The following BAG4 variants were observed in gnomAD, a reference collection of about 807,000 sequenced individuals.
BAG4 encodes the protein BAG family molecular chaperone regulator 4.
BAG4 carries 28 observed loss-of-function variants against 52.1 expected under a neutral mutation model. The observed-to-expected ratio is 0.54, with a 90% CI of 0.40 to 0.74. The LOEUF (loss-of-function observed/expected upper bound fraction) is 0.74, where lower values mean the gene tolerates loss of function less well. Among genes scored for constraint, BAG4 ranks in the 30% least tolerant of loss-of-function variants. The pLI, the probability that BAG4 is intolerant of heterozygous loss-of-function variation, is 0.00. For missense variants in BAG4, 525 were observed against 572.0 expected, an observed-to-expected ratio of 0.92 and a Z score of 0.84; for synonymous variants, 208 against 217.0, an observed-to-expected ratio of 0.96 and a Z score of 0.37.
Position 38,210,238 on chromosome 8 carries a change from T to A in BAG4, c.1119T>A (p.Asp373Glu), listed in dbSNP as rs1803844019. Residue 373 changes from aspartate to glutamate, a missense_variant, in exon 5 of 5, where the codon GAT becomes GAA. Asp to Glu is a conservative substitution (Grantham distance 45, BLOSUM62 2). This residue lies in a region of BAG4 where 238 missense variants were observed against 305.8 expected (regional missense o/e 0.78). Transcript: ENST00000287322. ...TTCCTGAAGAATGTGTACCTTCAGA[T>A]GAAAGTACTCCTCCGAGTATTAAAA... ...SSLPEECVPS[D>E]ESTPPSIKKI... 1 of 1,614,120 alleles carries A rather than the reference T, an allele frequency of 6.2e-7. No homozygotes were observed. The highest frequency in any genetic ancestry group is 8.5e-7 in the Non-Finnish European group (1 of 1,180,034).
chr8:38,208,264 C>A (rs1264013984), intron 3 of BAG4, among the ~76,000 whole-genome samples: 2 of 148,940 alleles, frequency 1.3e-5, no homozygotes, highest in Non-Finnish European at 3.0e-5. Flanking sequence ...CATGAGCCAC[C>A]GTGCCAGGCA....
At chr8:38,194,580 T>A (rs1803530878) in intron 2 of BAG4, among the ~76,000 whole-genome samples, 2 of 151,020 alleles carry the variant, frequency 1.3e-5, no homozygotes, top group South Asian at 4.2e-4. Flanking sequence ...CATGCCCGGC[T>A]AATTTTTGTA....
chr8:38,205,517 A>G (rs1027899827), intron 2 of BAG4, among the ~76,000 whole-genome samples: 1 of 152,156 alleles, frequency 6.6e-6, no homozygotes, highest in Non-Finnish European at 1.5e-5. Context: ...CTCTAGTTGA[A>G]TCATTTCCTT....
At chr8:38,188,005 C>G in intron 1 of BAG4, among the ~76,000 whole-genome samples, 1 of 141,014 alleles carries the variant, frequency 7.1e-6, no homozygotes. Context: ...CCACTGCACT[C>G]CAGCCTGGGT....
chr8:38,177,381 G>A (rs757273786), intron 1 of BAG4, among the ~76,000 whole-genome samples: 4 of 152,174 alleles, frequency 2.6e-5, no homozygotes, highest in African/African-American at 9.7e-5. Flanking sequence ...GATCCTGCGC[G>A]GACTTACTAA....
rs557036661 is a variant in BAG4 at position 38,202,619 on chromosome 8, C to T, written c.379-4893C>T. Among the ~76,000 whole-genome samples the T allele has an allele frequency of 2.0e-5, 3 of 150,856 alleles. No individual in the cohort carries two copies. In the East Asian group the frequency reaches 5.9e-4, roughly 30 times the overall value. The stretch of plus-strand genomic sequence containing the variant: ...GCAATGGCATGATCACAGCTCACTG[C>T]AGCCTCAATCTCCTCTGGCTCAGGT... On this transcript the variant is annotated intron_variant, in intron 2 of 4. Transcript: ENST00000287322.
At chr8:38,203,600 A>G (rs1025994020) in intron 2 of BAG4, among the ~76,000 whole-genome samples, 4 of 152,004 alleles carry the variant, frequency 2.6e-5, no homozygotes, top group African/African-American at 9.7e-5. Context: ...TTTTTGTGAT[A>G]AGTCCTGTTA....
At chr8:38,194,419 T>TC (rs1166010929) in intron 2 of BAG4, among the ~76,000 whole-genome samples, 1 of 142,506 alleles carries the variant, frequency 7.0e-6, no homozygotes, top group East Asian at 2.0e-4. Context: ...CTTTTTTTTT[T>TC]TTTTTTTTTT....
At position 38,209,210 on chromosome 8, in the gene BAG4, A is replaced by G; in HGVS notation, c.831A>G (p.Pro277=). 1.9e-6 allele frequency: 3 copies of G among 1,614,128 alleles called. No individual in the cohort carries two copies. Among genetic ancestry groups the G allele is most frequent in the East Asian group, 2.2e-5 (1 of 44,878 alleles). ...GNLYMTESTS[P]WPSSGSPQSP... ...TCTACATGACTGAAAGTACTTCACC[A>G]TGGCCTAGCAGTGGCTCTCCCCAGT... is the stretch of plus-strand genomic sequence containing the variant. The change falls in exon 4 of 5, where the codon CCA becomes CCG. Residue 277 remains proline (P), a synonymous_variant. Transcript: ENST00000287322.
At position 38,192,732 on chromosome 8, in the gene BAG4, T is replaced by C. The variant is rs1020308491; in HGVS notation, c.315T>C (p.Ser105=). 6.2e-7 allele frequency: 1 copy of C among 1,613,622 alleles called. No individual in the cohort carries two copies. The highest frequency in any genetic ancestry group is 2.2e-5 in the East Asian group (1 of 44,854). ...YPSYNSNYWN[S]TARSRAPYPS... is the part of the protein sequence containing the mutation. ...GCTACAATTCTAACTATTGGAATTC[T>C]ACTGCGAGATCTAGGGCTCCTTACC... Residue 105 remains serine (S), a synonymous_variant, in exon 2 of 5, where the codon TCT becomes TCC. Transcript: ENST00000287322.
intron 2 of BAG4, among the ~76,000 whole-genome samples, chr8:38,201,009 G>C: frequency 6.6e-6 from 1 of 152,304 alleles, no homozygotes; most frequent in South Asian, 2.1e-4. Flanking sequence ...TGAATTATAA[G>C]TTAATGTTAA....
rs539251999 is a variant in BAG4, at chr8:38,188,827, T to C, written c.271-3861T>C. Among the ~76,000 whole-genome samples the C allele has an allele frequency of 8.5e-5, 13 of 152,166 alleles. 1 individual carries two copies. In the South Asian group the frequency reaches 2.7e-3, roughly 31 times the overall value. ...GTTTATCTTTGAGATGGAGCCTTGC[T>C]CTGTCACCCAGGCTGGAGTGCAGTG... On this transcript the variant is annotated intron_variant, in intron 1 of 4. Coordinates refer to ENST00000287322, the MANE Select transcript of BAG4 (RefSeq NM_004874.4).
At chr8:38,209,338 C>T in intron 4 of BAG4, 71 bp downstream of exon 4, 1 of 1,589,038 alleles carries the variant, frequency 6.3e-7, no homozygotes, top group Non-Finnish European at 8.6e-7. Context: ...TATATAGTTT[C>T]TGTACTGGTT....
At chr8:38,208,863 T>G (rs781032543) in intron 3 of BAG4, 150 bp from the exon 4 acceptor site, 107 of 995,824 alleles carry the variant, frequency 1.1e-4, no homozygotes, top group Non-Finnish European at 1.5e-4. Flanking sequence ...TTACTGCAGC[T>G]GATTAATTAG....
chr8:38,184,926 T>C (rs540314407), intron 1 of BAG4, among the ~76,000 whole-genome samples: 27 of 151,982 alleles, frequency 1.8e-4, no homozygotes, highest in African/African-American at 5.3e-4. Flanking sequence ...CTGTCTCTAC[T>C]AAAAATACAA....
chr8:38,198,362 CA>C (rs1331482220), intron 2 of BAG4, among the ~76,000 whole-genome samples: 1 of 128,536 alleles, frequency 7.8e-6, no homozygotes, highest in Non-Finnish European at 1.6e-5. Context: ...CCAGCCTGGG[CA>C]ACAGAGCGAG....
rs1423788145 is a variant in BAG4 at position 38,206,797 on chromosome 8, C to A, written c.379-715C>A. Among the ~76,000 whole-genome samples, 5 of 151,976 alleles carry A rather than the reference C, an allele frequency of 3.3e-5. No individual in the cohort carries two copies. The East Asian group carries it at 7.7e-4, about 23-fold the overall frequency. ...TAATTTTTTTGTTTTCTTATACTTTCTGAGACAGAGTCTCACTCTGTTGCC... is the reference window on the plus strand; with the variant it reads ...TAATTTTTTTGTTTTCTTATACTTTATGAGACAGAGTCTCACTCTGTTGCC... On this transcript the variant is annotated intron_variant, in intron 2 of 4. Coordinates refer to ENST00000287322, the MANE Select transcript of BAG4 (RefSeq NM_004874.4).
chr8:38,198,215 T>A (rs2130680628), intron 2 of BAG4, among the ~76,000 whole-genome samples: 1 of 150,834 alleles, frequency 6.6e-6, no homozygotes, highest in South Asian at 2.1e-4. Flanking sequence ...AAACCCCGTC[T>A]CTGCTAAAAA....
intron 2 of BAG4, among the ~76,000 whole-genome samples, chr8:38,193,342 C>T (rs1410473433): frequency 6.6e-6 from 1 of 151,676 alleles, no homozygotes; most frequent in Non-Finnish European, 1.5e-5. Context: ...CCGCCTGAAC[C>T]CAGGAGGCGG....
Sources: gnomAD v4.1 joint callset for allele counts (sites outside exome capture counted in the v4.1 genomes callset) on GRCh38, gnomAD v4.1.1 for gene constraint, gnomAD v4.1.1 regional missense constraint, MANE v1.5 for transcripts, NCBI Gene and HGNC (gene_info 2026-07-23, HGNC 2026-07-21) for gene names.